Variants in FOXP1 observed in about 807,000 individuals in gnomAD.
The protein encoded by FOXP1 is forkhead box protein P1.
FOXP1 carries 15 observed loss-of-function variants against 98.2 expected under a neutral mutation model. The observed-to-expected ratio is 0.15, with a 90% CI of 0.10 to 0.24. FOXP1 has a LOEUF of 0.24. FOXP1 is among the 10% of genes least tolerant of loss of function. The pLI, the probability that FOXP1 is intolerant of heterozygous loss-of-function variation, is 1.00. For synonymous variants in FOXP1, 371 were observed against 314.5 expected (o/e 1.18, Z -1.90); for missense variants, 633 against 848.5 (o/e 0.75, Z 3.15).
At chr3:71,262,378 ACTATCAAAGCT>A (rs2069246108) in intron 5 of FOXP1, among the ~76,000 whole-genome samples, 1 of 151,316 alleles carries the variant, frequency 6.6e-6, no homozygotes, top group Non-Finnish European at 1.5e-5. Flanking sequence ...CTGCACCATG[ACTATCAAAGCT>A]AGGACCTCTT....
chr3:71,026,153 T>C (rs192501681), intron 11 of FOXP1, among the ~76,000 whole-genome samples: 181 of 152,352 alleles, frequency 1.2e-3, no homozygotes, highest in African/African-American at 4.2e-3. Context: ...TGCAGATGTA[T>C]CTTAATTTGT....
intron 4 of FOXP1, among the ~76,000 whole-genome samples, chr3:71,303,552 G>T (rs1346460615): frequency 1.3e-5 from 2 of 152,118 alleles, no homozygotes; most frequent in African/African-American, 2.4e-5. Flanking sequence ...TCTTCTGTGG[G>T]CTTTAATATC....
Position 71,045,573 on chromosome 3 carries a change from T to C in FOXP1, c.664+1369A>G, listed in dbSNP as rs188501833. On this transcript the variant is annotated intron_variant, in intron 10 of 20. Coordinates refer to ENST00000649528, the MANE Select transcript of FOXP1 (RefSeq NM_001349338.3). ...ATATATATTCTTTCTTTTCTCCTTG[T>C]ATTGCTCAGTTACGACATCTTCTAT... is the stretch of plus-strand genomic sequence containing the variant. Among the ~76,000 whole-genome samples, 104 of 152,312 alleles carry C rather than the reference T, an allele frequency of 6.8e-4. No homozygotes were observed. In the Middle Eastern group the frequency reaches 0.014, roughly 20 times the overall value.
chr3:71,178,919 A>C (rs1349728561), intron 6 of FOXP1, among the ~76,000 whole-genome samples: 1 of 151,202 alleles, frequency 6.6e-6, no homozygotes, highest in Non-Finnish European at 1.5e-5. Flanking sequence ...AAAAAACAAA[A>C]ATTATCTGGG....
intron 5 of FOXP1, among the ~76,000 whole-genome samples, chr3:71,257,039 A>C (rs1284739197): frequency 6.6e-6 from 1 of 152,214 alleles, no homozygotes; most frequent in Non-Finnish European, 1.5e-5. Flanking sequence ...AGTTGTGACC[A>C]AAGAACTCAA....
At chr3:70,973,364 G>T (rs1021382059) in intron 17 of FOXP1, among the ~76,000 whole-genome samples, 1 of 151,782 alleles carries the variant, frequency 6.6e-6, no homozygotes, top group Non-Finnish European at 1.5e-5. Flanking sequence ...AAAGGAACAC[G>T]AGTGGAACTC....
chr3:71,456,300 AG>A (rs1346605583), intron 3 of FOXP1, among the ~76,000 whole-genome samples: 1 of 152,204 alleles, frequency 6.6e-6, no homozygotes, highest in Non-Finnish European at 1.5e-5. Flanking sequence ...AGGAAATTTG[AG>A]GAAACTATTT....
At chr3:70,968,645 TGTCCCAA>T (rs992406088) in intron 19 of FOXP1, 3 of 152,214 alleles carry the variant, frequency 2.0e-5, no homozygotes, top group African/African-American at 7.2e-5. Flanking sequence ...TAATGCAATC[TGTCCCAA>T]GTCCCATGTT....
intron 3 of FOXP1, among the ~76,000 whole-genome samples, chr3:71,450,422 C>T (rs946517018): frequency 3.3e-5 from 5 of 152,196 alleles, no homozygotes; most frequent in Non-Finnish European, 5.9e-5. Flanking sequence ...CCAGTGAATG[C>T]CACTCTCTAA....
At chr3:71,277,455 T>C (rs928365853) in intron 5 of FOXP1, among the ~76,000 whole-genome samples, 7 of 152,150 alleles carry the variant, frequency 4.6e-5, no homozygotes, top group African/African-American at 1.7e-4. Flanking sequence ...TATCCATTCA[T>C]GCATCGCTGG....
intron 2 of FOXP1, among the ~76,000 whole-genome samples, chr3:71,542,420 G>A (rs1400527697): frequency 6.6e-6 from 1 of 152,238 alleles, no homozygotes; most frequent in African/African-American, 2.4e-5. Context: ...TGGGGGAGCA[G>A]AGCGATCGAA....
chr3:71,153,473 G>A (rs2060669723), intron 6 of FOXP1, among the ~76,000 whole-genome samples: 1 of 149,718 alleles, frequency 6.7e-6, no homozygotes, highest in South Asian at 2.1e-4. Context: ...GGCTTTGAAC[G>A]TTGACCACAG....
intron 11 of FOXP1, among the ~76,000 whole-genome samples, chr3:71,018,291 G>A (rs1019432251): frequency 2.0e-5 from 3 of 152,118 alleles, no homozygotes; most frequent in Non-Finnish European, 4.4e-5. Context: ...ACACACTAGG[G>A]CCTTAGAACG....
chr3:71,038,501 A>T (rs2047911293), intron 11 of FOXP1, among the ~76,000 whole-genome samples: 1 of 152,240 alleles, frequency 6.6e-6, no homozygotes, highest in African/African-American at 2.4e-5. Flanking sequence ...GACAACTGGC[A>T]CATCAGTGTA....
chr3:70,967,677 A>T (rs1575711319), intron 19 of FOXP1, among the ~76,000 whole-genome samples: 2 of 88,836 alleles, frequency 2.3e-5, no homozygotes, highest in Admixed American at 1.1e-4. Flanking sequence ...TGCCAGAACT[A>T]CTATTATTTG....
At chr3:71,071,649 C>T (rs1386098014) in intron 7 of FOXP1, among the ~76,000 whole-genome samples, 1 of 152,208 alleles carries the variant, frequency 6.6e-6, no homozygotes, top group Non-Finnish European at 1.5e-5. Context: ...TCTTGGCTCA[C>T]TGCAACCTCC....
chr3:71,521,127 G>A (rs1258800349), intron 2 of FOXP1, among the ~76,000 whole-genome samples: 1 of 152,156 alleles, frequency 6.6e-6, no homozygotes, highest in Non-Finnish European at 1.5e-5. Context: ...GGGAGGGGGT[G>A]TCAGGGACAT....
At chr3:71,101,678 CAA>C (rs75384060) in intron 7 of FOXP1, among the ~76,000 whole-genome samples, 42 of 72,558 alleles carry the variant, frequency 5.8e-4, no homozygotes, top group East Asian at 1.5e-3. Flanking sequence ...TGGGAAAAAG[CAA>C]AAAAAAAAAA....
chr3:71,559,335 A>C (rs1203069769), intron 2 of FOXP1, among the ~76,000 whole-genome samples: 1 of 152,254 alleles, frequency 6.6e-6, no homozygotes, highest in Non-Finnish European at 1.5e-5. Flanking sequence ...AGAATGGACA[A>C]CTGCTATTTT....
Sources: allele counts gnomAD v4.1 joint callset (sites outside exome capture counted in the v4.1 genomes callset), GRCh38; gene constraint gnomAD v4.1.1; transcripts MANE v1.5; gene names NCBI Gene and HGNC (gene_info 2026-07-23, HGNC 2026-07-21).